Variants in STK33 observed in about 807,000 individuals in gnomAD.
STK33 encodes the protein serine/threonine kinase 33.
STK33 carries 52 observed loss-of-function variants against 58.0 expected under a neutral mutation model. The observed-to-expected ratio is 0.90, with a 90% CI of 0.72 to 1.13. The LOEUF (loss-of-function observed/expected upper bound fraction) is 1.13. Ranked by LOEUF, STK33 falls within the 50% of genes most tolerant of loss-of-function variation. STK33 has a pLI of 0.00. For missense variants in STK33, 630 were observed against 604.2 expected (o/e 1.04, Z -0.45); for synonymous variants, 215 against 200.1 (o/e 1.07, Z -0.63).
intron 1 of STK33, among the ~76,000 whole-genome samples, chr11:8,526,309 T>G (rs2140003848): frequency 6.6e-6 from 1 of 152,032 alleles, no homozygotes; most frequent in African/African-American, 2.4e-5. Context: ...GGAGAATCGC[T>G]TGAACCCAGG....
chr11:8,502,951 G>C (rs1204124223), intron 1 of STK33, among the ~76,000 whole-genome samples: 2 of 152,102 alleles, frequency 1.3e-5, no homozygotes, highest in South Asian at 4.1e-4. Context: ...AGTCAGAATG[G>C]CTATTTTTGA....
chr11:8,588,747 A>C (rs765633529), intron 1 of STK33, among the ~76,000 whole-genome samples: 22 of 152,214 alleles, frequency 1.4e-4, no homozygotes, highest in Admixed American at 1.2e-3. Context: ...AATGGAAGAA[A>C]ATATTTGCAA....
intron 15 of STK33, among the ~76,000 whole-genome samples, chr11:8,401,371 C>G (rs942207667): frequency 2.6e-5 from 4 of 151,972 alleles, no homozygotes; most frequent in Non-Finnish European, 5.9e-5. Context: ...AATAGGGAAA[C>G]GATTCCCTAT....
At chr11:8,520,600 G>A (rs994070231) in intron 1 of STK33, among the ~76,000 whole-genome samples, 8 of 152,098 alleles carry the variant, frequency 5.3e-5, no homozygotes, top group South Asian at 4.1e-4. Flanking sequence ...AAACCCCATC[G>A]TCTCGGCCCA....
chr11:8,362,814 T>C, the STK33 span, among the ~76,000 whole-genome samples: 3 of 151,748 alleles, frequency 2.0e-5, no homozygotes, highest in Non-Finnish European at 4.4e-5. Context: ...CCATTTGCCA[T>C]CCCTCCTTCC....
intron 1 of STK33, among the ~76,000 whole-genome samples, chr11:8,520,707 AACAG>A (rs1371881176): frequency 3.7e-5 from 5 of 136,690 alleles, no homozygotes; most frequent in Non-Finnish European, 6.8e-5. Context: ...ATAACAGACA[AACAG>A]ACAGCCAAAT....
rs571952176 is a variant in STK33, at chr11:8,479,568, C to T, written c.-261+842G>A. 1.9e-4 allele frequency among the ~76,000 whole-genome samples: 29 copies of T among 152,140 alleles called. No individual in the cohort carries two copies. In the South Asian group the frequency reaches 6.0e-3, roughly 32 times the overall value. ...TATAAGCAACCAGAAGCTGGCCAGG[C>T]ACAGTGGTTCACGCCTATAACCCCA... On this transcript the variant is annotated intron_variant, in intron 2 of 15. Transcript: ENST00000687296.
the STK33 span, among the ~76,000 whole-genome samples, chr11:8,353,685 T>A: frequency 6.6e-5 from 10 of 152,172 alleles, no homozygotes; most frequent in Non-Finnish European, 4.4e-5. Flanking sequence ...CTGTCTCAAA[T>A]AGAGGGGGTC....
intron 15 of STK33, among the ~76,000 whole-genome samples, chr11:8,410,782 T>C (rs901400802): frequency 1.3e-5 from 2 of 152,194 alleles, no homozygotes; most frequent in Non-Finnish European, 2.9e-5. Context: ...CTGAAAATCT[T>C]CTATTTTCAT....
chr11:8,382,579 T>C, the STK33 span, among the ~76,000 whole-genome samples: 1 of 152,182 alleles, frequency 6.6e-6, no homozygotes, highest in Non-Finnish European at 1.5e-5. Flanking sequence ...CCCCAGTGCC[T>C]GTGGGCGGGA....
At chr11:8,526,321 G>C (rs1021608802) in intron 1 of STK33, among the ~76,000 whole-genome samples, 3 of 151,878 alleles carry the variant, frequency 2.0e-5, no homozygotes, top group African/African-American at 7.3e-5. Flanking sequence ...GAACCCAGGA[G>C]GCAGAGGTTG....
At chr11:8,373,827 C>T in the STK33 span, among the ~76,000 whole-genome samples, 3 of 152,170 alleles carry the variant, frequency 2.0e-5, no homozygotes, top group Non-Finnish European at 4.4e-5. Context: ...CCCTGGAACC[C>T]GTGCCTTTGA....
At position 8,483,401 on chromosome 11, in the gene STK33, A is replaced by G. The variant is rs371626172; in HGVS notation, c.-465-2787T>C. Among the ~76,000 whole-genome samples the G allele has an allele frequency of 1.9e-3, 294 of 152,280 alleles. 2 individuals are homozygous for G. The highest frequency in any genetic ancestry group is 6.7e-3 in the African/African-American group (279 of 41,560). ...CACTTTCAGAAAAGATTCGGGTTAA[A>G]TAAGAGTATTTTCACTGAAGAATAG... On this transcript the variant is annotated intron_variant, in intron 1 of 15. Transcript: ENST00000687296.
intron 14 of STK33, among the ~76,000 whole-genome samples, chr11:8,425,377 T>C (rs921762710): frequency 6.6e-6 from 1 of 152,200 alleles, no homozygotes; most frequent in Non-Finnish European, 1.5e-5. Flanking sequence ...CATGCTGTTT[T>C]GGTTACTGTA....
At chr11:8,573,523 A>G (rs1957968589) in intron 1 of STK33, among the ~76,000 whole-genome samples, 1 of 152,236 alleles carries the variant, frequency 6.6e-6, no homozygotes, top group South Asian at 2.1e-4. Flanking sequence ...TTAGCTTGGC[A>G]GTTTATTTTA....
intron 1 of STK33, among the ~76,000 whole-genome samples, chr11:8,520,956 C>T (rs962373260): frequency 6.6e-6 from 1 of 151,234 alleles, no homozygotes; most frequent in African/African-American, 2.4e-5. Flanking sequence ...GAAATGATTT[C>T]TAATGATAAT....
intron 1 of STK33, among the ~76,000 whole-genome samples, chr11:8,574,867 C>G (rs980783232): frequency 1.3e-5 from 2 of 151,288 alleles, no homozygotes; most frequent in African/African-American, 4.9e-5. Context: ...AATGAGGCCC[C>G]ATCTCTACAA....
At chr11:8,345,611 T>A in the STK33 span, among the ~76,000 whole-genome samples, 1 of 152,160 alleles carries the variant, frequency 6.6e-6, no homozygotes, top group Non-Finnish European at 1.5e-5. Context: ...TGGGAGTGGT[T>A]GAGCAAGGCT....
At chr11:8,528,104 G>C (rs902032278) in intron 1 of STK33, among the ~76,000 whole-genome samples, 6 of 152,214 alleles carry the variant, frequency 3.9e-5, no homozygotes, top group African/African-American at 1.4e-4. Context: ...AGAAAGAAAA[G>C]TGGCTCAGAG....
Sources: allele counts gnomAD v4.1 joint callset (sites outside exome capture counted in the v4.1 genomes callset), GRCh38; gene constraint gnomAD v4.1.1; transcripts MANE v1.5; gene names NCBI Gene and HGNC (gene_info 2026-07-23, HGNC 2026-07-21).